MGAT4A: variants seen among roughly 807,000 people sequenced by gnomAD.
The protein encoded by MGAT4A is alpha-1,3-mannosyl-glycoprotein 4-beta-N-acetylglucosaminyltransferase A.
In MGAT4A, 33 loss-of-function variants were observed where a neutral mutation model predicts 74.1. That is an observed-to-expected ratio of 0.45 (90% confidence interval 0.34 to 0.60). The LOEUF (loss-of-function observed/expected upper bound fraction) is 0.60. MGAT4A is among the 20% of genes least tolerant of loss of function. The pLI, the probability that MGAT4A is intolerant of heterozygous loss-of-function variation, is 0.02. For synonymous variants in MGAT4A, 198 were observed against 210.4 expected (o/e 0.94, Z 0.51); for missense variants, 479 against 628.3 (o/e 0.76, Z 2.54).
At chr2:98,674,372 T>A (rs1483868377) in intron 4 of MGAT4A, among the ~76,000 whole-genome samples, 1 of 152,230 alleles carries the variant, frequency 6.6e-6, no homozygotes, top group African/African-American at 2.4e-5. Flanking sequence ...ATCAAATGTA[T>A]GAGTGGTAAA....
At chr2:98,664,566 G>A (rs1701798274) in intron 4 of MGAT4A, among the ~76,000 whole-genome samples, 1 of 152,076 alleles carries the variant, frequency 6.6e-6, no homozygotes, top group Non-Finnish European at 1.5e-5. Flanking sequence ...ATCCACACTG[G>A]GTGTTGCAAC....
At chr2:98,667,135 C>A (rs1174934) in intron 4 of MGAT4A, among the ~76,000 whole-genome samples, 19 of 152,090 alleles carry the variant, frequency 1.2e-4, no homozygotes, top group African/African-American at 1.7e-4. Context: ...ATGTGACTTG[C>A]TCCTCCTTGC....
At chr2:98,674,414 C>A (rs1701952161) in intron 4 of MGAT4A, among the ~76,000 whole-genome samples, 1 of 152,202 alleles carries the variant, frequency 6.6e-6, no homozygotes, top group Non-Finnish European at 1.5e-5. Context: ...AAGCCCACTT[C>A]CACTCTGTGG....
chr2:98,625,203 A>G lies in MGAT4A; in HGVS notation c.*363T>C, dbSNP rs1031645131. ...ATAAAAGAGGGTCTATAATAGTAAAATAAGTGAACCTCAAAAGTACCCCCT... is the reference window on the plus strand; with the variant it reads ...ATAAAAGAGGGTCTATAATAGTAAAGTAAGTGAACCTCAAAAGTACCCCCT... On this transcript the variant is annotated 3_prime_UTR_variant, in exon 16 of 16. Transcript: ENST00000393487. The G allele has an allele frequency of 1.5e-5, 13 of 858,420 alleles. No homozygotes were observed. The highest frequency in any genetic ancestry group is 5.8e-4 in the Middle Eastern group (1 of 1,734). 53.2% of individuals were successfully genotyped at this position (858,420 alleles called of 1,614,324 possible).
intron 4 of MGAT4A, among the ~76,000 whole-genome samples, chr2:98,668,740 G>A (rs1254004525): frequency 6.6e-6 from 1 of 152,212 alleles, no homozygotes; most frequent in Non-Finnish European, 1.5e-5. Flanking sequence ...CTGGGAGGGA[G>A]GCTGTACCCC....
intron 8 of MGAT4A, among the ~76,000 whole-genome samples, chr2:98,650,862 GGC>G (rs1701565718): frequency 6.6e-6 from 1 of 152,040 alleles, no homozygotes; most frequent in South Asian, 2.1e-4. Flanking sequence ...GAGGCAGAAT[GGC>G]GTGAACCCGG....
At chr2:98,700,377 TATC>T (rs1417967453) in intron 2 of MGAT4A, among the ~76,000 whole-genome samples, 2 of 148,988 alleles carry the variant, frequency 1.3e-5, no homozygotes, top group African/African-American at 2.4e-5. Context: ...CTATATATGA[TATC>T]ATATTAGTAT....
intron 8 of MGAT4A, among the ~76,000 whole-genome samples, chr2:98,651,587 C>A (rs1701578910): frequency 6.6e-6 from 1 of 151,942 alleles, no homozygotes; most frequent in Non-Finnish European, 1.5e-5. Flanking sequence ...GAAAGGGAAT[C>A]AAAATACGTC....
rs1559151785 is a variant in MGAT4A at position 98,621,794 on chromosome 2, T to C, written c.*3772A>G. On this transcript the variant is annotated 3_prime_UTR_variant, in exon 16 of 16. Transcript: ENST00000393487. ...GGAGACAACCTCTTTTTCATTATTA[T>C]GATAGATTTTTTAAAGGCCTTCATA... is the stretch of plus-strand genomic sequence containing the variant. 3 of 1,091,808 alleles carry C rather than the reference T, an allele frequency of 2.7e-6. No individual in the cohort carries two copies. Among genetic ancestry groups the C allele is most frequent in the Non-Finnish European group, 3.3e-6 (3 of 899,600 alleles). 67.6% of individuals were successfully genotyped at this position (1,091,808 alleles called of 1,614,324 possible). A position where few individuals can be genotyped will look rare whatever the true frequency, so the allele number is the denominator to read the frequency against.
At chr2:98,677,632 T>C (rs903567762) in intron 3 of MGAT4A, among the ~76,000 whole-genome samples, 7 of 151,950 alleles carry the variant, frequency 4.6e-5, no homozygotes, top group Non-Finnish European at 8.8e-5. Flanking sequence ...TTTGTATTTT[T>C]AGTAGGGATG....
At chr2:98,658,596 A>T (rs933062169) in intron 5 of MGAT4A, among the ~76,000 whole-genome samples, 6 of 152,144 alleles carry the variant, frequency 3.9e-5, no homozygotes, top group African/African-American at 1.4e-4. Flanking sequence ...ATGAAGAAAG[A>T]TTTTTCTACT....
chr2:98,656,660 A>G (rs1401583446), intron 6 of MGAT4A, among the ~76,000 whole-genome samples, 195 bp from the exon 7 acceptor site: 4 of 152,168 alleles, frequency 2.6e-5, no homozygotes, highest in South Asian at 2.1e-4. Flanking sequence ...TCCAATAGCA[A>G]AAGTTTTTTT....
At chr2:98,655,189 G>A (rs10173578) in intron 8 of MGAT4A, among the ~76,000 whole-genome samples, 6,374 of 152,128 alleles carry the variant, frequency 0.042, 284 homozygotes, top group African/African-American at 0.097. Flanking sequence ...GAAGATGGGG[G>A]AATGGGAGAA....
chr2:98,724,932 G>A (rs1286238636), intron 2 of MGAT4A, among the ~76,000 whole-genome samples: 3 of 152,150 alleles, frequency 2.0e-5, no homozygotes, highest in Non-Finnish European at 4.4e-5. Context: ...TTGATTGGCC[G>A]GGCATGATGG....
chr2:98,668,525 T>G (rs1468630052), intron 4 of MGAT4A, among the ~76,000 whole-genome samples: 1 of 152,190 alleles, frequency 6.6e-6, no homozygotes, highest in African/African-American at 2.4e-5. Context: ...GGGGCGGTGC[T>G]CTTATGGAGA....
rs76799252 is a variant in MGAT4A, at chr2:98,712,571, T to C, written c.94+13668A>G. Among the ~76,000 whole-genome samples the C allele has an allele frequency of 8.9e-3, 1,351 of 152,336 alleles. 25 individuals are homozygous for C. The highest frequency in any genetic ancestry group is 0.031 in the African/African-American group (1,301 of 41,574). ...ACTCATAGAGCTGTACACTTATGAT[T>C]TGTGCACTTTTTACATCTTTCTTAT... On this transcript the variant is annotated intron_variant, in intron 2 of 15. Coordinates refer to ENST00000393487, the MANE Select transcript of MGAT4A (RefSeq NM_012214.3).
At chr2:98,629,154 T>C (rs972669997) in intron 14 of MGAT4A, among the ~76,000 whole-genome samples, 1 of 152,240 alleles carries the variant, frequency 6.6e-6, no homozygotes. Context: ...GAGGGCCAGA[T>C]GTGCCCCATG....
intron 9 of MGAT4A, 31 bp downstream of exon 9, chr2:98,645,397 G>A (rs1191298313): frequency 7.0e-7 from 1 of 1,428,770 alleles, no homozygotes; most frequent in Non-Finnish European, 9.5e-7. Flanking sequence ...AGTTATTTAT[G>A]AAAAGTAGGT....
rs1223325809 is a variant in MGAT4A at position 98,675,045 on chromosome 2, T to C, written c.393A>G (p.Gly131=). 1.2e-6 allele frequency: 2 copies of C among 1,608,336 alleles called. No homozygotes were observed. The highest frequency in any genetic ancestry group is 1.7e-6 in the Non-Finnish European group (2 of 1,178,636). ...SLQPAVQIGN[G]RTGVSIVMGI... is the part of the protein sequence containing the mutation. The stretch of plus-strand genomic sequence containing the variant: ...ACAAAATAAACATACCTCCTGTTCT[T>C]CCGTTGCCAATCTGTACAGCAGGTT... The change falls in exon 4 of 16, where the codon GGA becomes GGG. Residue 131 remains glycine (G), a synonymous_variant. Coordinates refer to ENST00000393487, the MANE Select transcript of MGAT4A (RefSeq NM_012214.3).
Sources: gnomAD v4.1 joint callset for allele counts (sites outside exome capture counted in the v4.1 genomes callset) on GRCh38, gnomAD v4.1.1 for gene constraint, MANE v1.5 for transcripts, NCBI Gene and HGNC (gene_info 2026-07-23, HGNC 2026-07-21) for gene names.